HS3ST5: variants seen among roughly 807,000 people sequenced by gnomAD.
The protein encoded by HS3ST5 is heparan sulfate-glucosamine 3-sulfotransferase 5.
A neutral mutation model predicts 25.4 loss-of-function variants in HS3ST5; 10 were observed. The ratio of observed to expected loss-of-function variants is 0.39; its 90% CI spans 0.24 to 0.67. The LOEUF is 0.67. Ranked by LOEUF, HS3ST5 falls within the 30% of genes least tolerant of loss-of-function variation. The pLI is 0.44. For synonymous variants in HS3ST5, 170 were observed against 162.4 expected (o/e 1.05, Z -0.36); for missense variants, 324 against 420.7 (o/e 0.77, Z 2.01).
chr6:114,144,263 C>T lies in HS3ST5; in HGVS notation c.-33+24088G>A, dbSNP rs551498877. 8.9e-4 allele frequency among the ~76,000 whole-genome samples: 135 copies of T among 152,264 alleles called. 1 individual carries two copies. The highest frequency in any genetic ancestry group is 3.0e-3 in the African/African-American group (124 of 41,546). On this transcript the variant is annotated intron_variant, in intron 3 of 4. Transcript: ENST00000312719. Reference sequence around the variant, plus strand: ...GTACAGAGACAAGCATGCAGCATTCCCAAACATTGGCAGACTTCTCATCAC... The same window carrying T: ...GTACAGAGACAAGCATGCAGCATTCTCAAACATTGGCAGACTTCTCATCAC...
chr6:114,276,705 T>A (rs1773871828), intron 1 of HS3ST5, among the ~76,000 whole-genome samples: 1 of 151,918 alleles, frequency 6.6e-6, no homozygotes, highest in African/African-American at 2.4e-5. Flanking sequence ...ATTTTCAATT[T>A]TCTACTCTTT....
chr6:114,257,658 A>G (rs1293575435), intron 1 of HS3ST5, among the ~76,000 whole-genome samples: 3 of 152,178 alleles, frequency 2.0e-5, no homozygotes, highest in African/African-American at 4.8e-5. Flanking sequence ...TGGACATTCA[A>G]TAACTTTTGT....
At chr6:114,128,216 A>G (rs1488980303) in intron 3 of HS3ST5, among the ~76,000 whole-genome samples, 1 of 152,148 alleles carries the variant, frequency 6.6e-6, no homozygotes, top group Non-Finnish European at 1.5e-5. Flanking sequence ...ATCTACTTAA[A>G]TAACTGACAT....
intron 3 of HS3ST5, among the ~76,000 whole-genome samples, chr6:114,102,189 T>A (rs1175600894): frequency 6.6e-6 from 1 of 152,202 alleles, no homozygotes; most frequent in East Asian, 1.9e-4. Context: ...CATGTACTCA[T>A]GAACCTAAAA....
In HS3ST5 at chr6:114,299,707, A is replaced by T. The variant is rs950102996; in HGVS notation, c.-339+42488T>A. On this transcript the variant is annotated intron_variant, in intron 1 of 4. Transcript: ENST00000312719. ...CCTGTACTAAGTAACACTATCCAAT[A>T]ATTTATTTTGGAAGAGATAAGACTG... Among the ~76,000 whole-genome samples the T allele has an allele frequency of 2.3e-4, 35 of 152,222 alleles. 1 individual carries two copies. The highest frequency in any genetic ancestry group is 1.2e-3 in the Admixed American group (18 of 15,294).
chr6:114,073,025 C>A (rs918350822), intron 3 of HS3ST5, among the ~76,000 whole-genome samples: 1 of 152,016 alleles, frequency 6.6e-6, no homozygotes, highest in African/African-American at 2.4e-5. Flanking sequence ...ACAAACCTGA[C>A]AAAAACAAGA....
intron 1 of HS3ST5, among the ~76,000 whole-genome samples, chr6:114,301,591 C>T (rs771250994): frequency 2.6e-5 from 4 of 151,752 alleles, no homozygotes; most frequent in Non-Finnish European, 4.4e-5. Flanking sequence ...GCATCAGCAC[C>T]AGAGCTCCTT....
intron 1 of HS3ST5, among the ~76,000 whole-genome samples, chr6:114,253,314 T>C (rs1246298108): frequency 6.6e-6 from 1 of 152,224 alleles, no homozygotes; most frequent in Non-Finnish European, 1.5e-5. Flanking sequence ...GGATAGTAAG[T>C]CTTCAAAATC....
intron 3 of HS3ST5, among the ~76,000 whole-genome samples, chr6:114,153,296 G>T (rs1298840771): frequency 6.6e-6 from 1 of 152,180 alleles, no homozygotes; most frequent in Non-Finnish European, 1.5e-5. Context: ...CCTGCTCCAG[G>T]ATAGCTAATT....
intron 1 of HS3ST5, among the ~76,000 whole-genome samples, chr6:114,340,052 T>A (rs1032826177): frequency 1.3e-5 from 2 of 152,204 alleles, no homozygotes; most frequent in Non-Finnish European, 2.9e-5. Flanking sequence ...ATAAATACTT[T>A]TTGAATGAGT....
chr6:114,232,541 A>G (rs1771648066), intron 1 of HS3ST5, among the ~76,000 whole-genome samples: 1 of 152,114 alleles, frequency 6.6e-6, no homozygotes, highest in African/African-American at 2.4e-5. Context: ...AACGTTTTGA[A>G]GACTCTCCAA....
At chr6:114,079,910 G>A in intron 3 of HS3ST5, among the ~76,000 whole-genome samples, 1 of 152,006 alleles carries the variant, frequency 6.6e-6, no homozygotes, top group East Asian at 1.9e-4. Context: ...CAAATTCCTG[G>A]GATTACAGGC....
intron 2 of HS3ST5, among the ~76,000 whole-genome samples, chr6:114,181,922 G>A (rs1312129397): frequency 1.3e-5 from 2 of 151,782 alleles, no homozygotes; most frequent in Middle Eastern, 3.4e-3. Flanking sequence ...GCACACACAC[G>A]TAGACTATCT....
chr6:114,287,050 T>C (rs772722278), intron 1 of HS3ST5, among the ~76,000 whole-genome samples: 1 of 151,986 alleles, frequency 6.6e-6, no homozygotes, highest in African/African-American at 2.4e-5. Context: ...ATTAGTGTAC[T>C]CGCCTTTTTT....
chr6:114,310,777 T>C (rs1775498416), intron 1 of HS3ST5, among the ~76,000 whole-genome samples: 1 of 152,194 alleles, frequency 6.6e-6, no homozygotes, highest in Admixed American at 6.5e-5. Flanking sequence ...ATATGTTTAA[T>C]TAATGATATG....
chr6:114,323,628 A>G (rs1267934815), intron 1 of HS3ST5, among the ~76,000 whole-genome samples: 1 of 152,178 alleles, frequency 6.6e-6, no homozygotes, highest in Non-Finnish European at 1.5e-5. Flanking sequence ...TAGCATTATT[A>G]TGAAGATAAC....
chr6:114,140,699 G>A (rs1562212796), intron 3 of HS3ST5, among the ~76,000 whole-genome samples: 1 of 152,194 alleles, frequency 6.6e-6, no homozygotes, highest in Non-Finnish European at 1.5e-5. Flanking sequence ...AGAGGAGCAC[G>A]AGGAATGCAG....
At chr6:114,120,827 T>C (rs1216491782) in intron 3 of HS3ST5, among the ~76,000 whole-genome samples, 4 of 152,228 alleles carry the variant, frequency 2.6e-5, no homozygotes, top group Non-Finnish European at 5.9e-5. Flanking sequence ...TTCTTATTTT[T>C]AAGAGGATTT....
At chr6:114,270,796 G>A (rs1019560154) in intron 1 of HS3ST5, among the ~76,000 whole-genome samples, 5 of 151,980 alleles carry the variant, frequency 3.3e-5, no homozygotes, top group Admixed American at 2.0e-4. Flanking sequence ...AATTCAGAAA[G>A]CTTGTTCTCA....
Sources: allele counts gnomAD v4.1 joint callset (sites outside exome capture counted in the v4.1 genomes callset), GRCh38; gene constraint gnomAD v4.1.1; transcripts MANE v1.5; gene names NCBI Gene and HGNC (gene_info 2026-07-23, HGNC 2026-07-21).